Variants in ASTN2 observed in about 807,000 individuals in gnomAD.
The protein encoded by ASTN2 is astrotactin-2.
Under a neutral mutation model 139.8 loss-of-function variants are expected in ASTN2, and 54 were observed. That is an observed-to-expected ratio of 0.39 (90% CI 0.31 to 0.48). The LOEUF is 0.48. Ranked by LOEUF, ASTN2 falls within the 20% of genes least tolerant of loss-of-function variation. ASTN2 has a pLI of 0.95. For missense variants in ASTN2, 1,565 were observed against 1,725.1 expected (o/e 0.91, Z 1.64); for synonymous variants, 756 against 719.5 (o/e 1.05, Z -0.81).
intron 13 of ASTN2, among the ~76,000 whole-genome samples, chr9:116,788,471 T>C (rs1467199493): frequency 6.6e-6 from 1 of 152,102 alleles, no homozygotes; most frequent in Non-Finnish European, 1.5e-5. Context: ...AAAATATATA[T>C]TAAAAATAAC....
chr9:116,802,481 T>C (rs1031784786), intron 13 of ASTN2, among the ~76,000 whole-genome samples: 6 of 152,204 alleles, frequency 3.9e-5, no homozygotes, highest in Non-Finnish European at 5.9e-5. Flanking sequence ...GGTCCCACAA[T>C]GACTTGCTTT....
intron 10 of ASTN2, among the ~76,000 whole-genome samples, chr9:116,891,671 C>G (rs572910774): frequency 5.1e-4 from 78 of 152,290 alleles, no homozygotes; most frequent in African/African-American, 1.8e-3. Flanking sequence ...CATTTGGCCT[C>G]TAGTCCACGA....
At chr9:116,540,726 G>T (rs1851842560) in intron 19 of ASTN2, 2 of 152,208 alleles carry the variant, frequency 1.3e-5, no homozygotes, top group South Asian at 2.1e-4. Flanking sequence ...CTGCTGCTAA[G>T]TTCCATCCAA....
At chr9:116,790,416 C>T (rs117303285) in intron 13 of ASTN2, among the ~76,000 whole-genome samples, 1,544 of 152,182 alleles carry the variant, frequency 0.01, 13 homozygotes, top group East Asian at 0.061. Context: ...GTCCATCCTC[C>T]GCCCTGGCTT....
Position 116,895,876 on chromosome 9 carries a change from T to C in ASTN2, c.1890-32143A>G, listed in dbSNP as rs189493831. 1.6e-3 allele frequency among the ~76,000 whole-genome samples: 249 copies of C among 152,260 alleles called. 2 individuals carry two copies. The highest frequency in any genetic ancestry group is 5.8e-3 in the African/African-American group (240 of 41,552). On this transcript the variant is annotated intron_variant, in intron 10 of 22. Transcript: ENST00000313400. ...AGGATTATTATTTTAGTCATGTCTT[T>C]ACATAAAAAAAGGGAGTGGAATTAG...
intron 16 of ASTN2, among the ~76,000 whole-genome samples, chr9:116,708,111 C>T (rs1481948402): frequency 1.3e-5 from 2 of 150,028 alleles, no homozygotes; most frequent in Admixed American, 6.6e-5. Context: ...GTTAATATGG[C>T]CCAATTTAAA....
intron 3 of ASTN2, among the ~76,000 whole-genome samples, chr9:117,146,706 C>T (rs191925706): frequency 2.6e-5 from 4 of 152,004 alleles, no homozygotes; most frequent in East Asian, 1.9e-4. Flanking sequence ...CAGTGTATAC[C>T]GCTCGGGCAA....
chr9:116,971,368 T>C (rs1347081521), intron 10 of ASTN2, among the ~76,000 whole-genome samples: 1 of 152,200 alleles, frequency 6.6e-6, no homozygotes, highest in African/African-American at 2.4e-5. Flanking sequence ...AGTCAAAGCT[T>C]AGCTACAGTT....
rs186092047 is a variant in ASTN2, at chr9:116,439,491, C to T, written c.3782+1118G>A. On this transcript the variant is annotated intron_variant, in intron 22 of 22. Coordinates refer to ENST00000313400, the MANE Select transcript of ASTN2 (RefSeq NM_001365068.1). ...CTGGGATTACAGGCGTGAGCCACCG[C>T]GCCCGGCCTCAAATACATTTTTAAT... Among the ~76,000 whole-genome samples, 145 of 139,902 alleles carry T rather than the reference C, an allele frequency of 1.0e-3. 17 individuals are homozygous for T. The South Asian group carries it at 0.024, about 24-fold the overall frequency. The allele number at this position is 139,902 out of a possible 152,430, so 91.8% of individuals were successfully genotyped here.
chr9:116,525,993 C>G (rs1416975242), intron 19 of ASTN2, among the ~76,000 whole-genome samples: 1 of 152,118 alleles, frequency 6.6e-6, no homozygotes. Flanking sequence ...TATCCTCTTG[C>G]CTGTCCCCAT....
intron 4 of ASTN2, among the ~76,000 whole-genome samples, chr9:117,098,486 G>A (rs559165835): frequency 6.6e-6 from 1 of 152,108 alleles, no homozygotes; most frequent in South Asian, 2.1e-4. Flanking sequence ...CTAATGAGTG[G>A]GAAAGTACAA....
chr9:116,469,857 G>A lies in ASTN2; in HGVS notation c.3497+17502C>T, dbSNP rs1434298648. 2.0e-5 allele frequency among the ~76,000 whole-genome samples: 3 copies of A among 152,120 alleles called. No individual in the cohort carries two copies. In the East Asian group the frequency reaches 5.8e-4, roughly 29 times the overall value. On this transcript the variant is annotated intron_variant, in intron 20 of 22. Coordinates refer to ENST00000313400, the MANE Select transcript of ASTN2 (RefSeq NM_001365068.1). The stretch of plus-strand genomic sequence containing the variant: ...TTTGATAATTGCAATAAAGAAAGGA[G>A]GTGAGGTACATAATTTAGATTATGG...
At chr9:117,106,754 G>A (rs999558469) in intron 4 of ASTN2, among the ~76,000 whole-genome samples, 1 of 151,718 alleles carries the variant, frequency 6.6e-6, no homozygotes, top group Non-Finnish European at 1.5e-5. Context: ...AGCATATCCT[G>A]TGAATTTTGT....
chr9:116,714,739 T>C (rs1828267146), intron 16 of ASTN2, among the ~76,000 whole-genome samples: 2 of 152,104 alleles, frequency 1.3e-5, no homozygotes, highest in South Asian at 4.2e-4. Flanking sequence ...TTGTGCTGAG[T>C]TCCTGCTATG....
At chr9:116,732,060 G>A (rs1463108131) in intron 14 of ASTN2, among the ~76,000 whole-genome samples, 1 of 152,158 alleles carries the variant, frequency 6.6e-6, no homozygotes, top group Admixed American at 6.5e-5. Flanking sequence ...CATTTTACAA[G>A]GTGTCTTTTA....
chr9:116,721,481 A>G (rs1056622498), intron 16 of ASTN2, among the ~76,000 whole-genome samples: 3 of 152,218 alleles, frequency 2.0e-5, no homozygotes, highest in African/African-American at 7.2e-5. Flanking sequence ...ATACAGGGAT[A>G]TCAAGAGCAC....
In ASTN2 at chr9:116,666,067, A is replaced by G. The variant is rs1016971682; in HGVS notation, c.2807-14274T>C. On this transcript the variant is annotated intron_variant, in intron 16 of 22. Transcript: ENST00000313400. ...CAGAATCACAAAATTACCATTTCAT[A>G]ATTTCTAATAAAAGAATAGATCTAG... is the stretch of plus-strand genomic sequence containing the variant. Among the ~76,000 whole-genome samples the G allele has an allele frequency of 3.3e-5, 5 of 152,218 alleles. No homozygotes were observed. In the East Asian group the frequency reaches 9.6e-4, roughly 29 times the overall value.
At chr9:117,004,711 G>A (rs1837306215) in intron 7 of ASTN2, among the ~76,000 whole-genome samples, 1 of 152,160 alleles carries the variant, frequency 6.6e-6, no homozygotes, top group South Asian at 2.1e-4. Flanking sequence ...TTTCGTGCAA[G>A]CCAGCCAGAC....
intron 12 of ASTN2, among the ~76,000 whole-genome samples, chr9:116,813,772 T>C (rs572627894): frequency 1.3e-5 from 2 of 152,150 alleles, no homozygotes; most frequent in Non-Finnish European, 2.9e-5. Context: ...CGATGGCTCA[T>C]GCCTATAATC....
Sources: gnomAD v4.1 joint callset for allele counts (sites outside exome capture counted in the v4.1 genomes callset) on GRCh38, gnomAD v4.1.1 for gene constraint, MANE v1.5 for transcripts, NCBI Gene and HGNC (gene_info 2026-07-23, HGNC 2026-07-21) for gene names.